The following CACNA2D3 variants were observed in gnomAD, a reference collection of about 807,000 sequenced individuals.
CACNA2D3 encodes calcium voltage-gated channel auxiliary subunit alpha2delta 3, also known as voltage-dependent calcium channel subunit alpha-2/delta-3.
CACNA2D3 carries 60 observed loss-of-function variants against 160.6 expected under a neutral mutation model. The observed-to-expected ratio is 0.37, with a 90% CI of 0.30 to 0.46. The LOEUF is 0.46. CACNA2D3 is among the 20% of genes least tolerant of loss of function. The pLI, the probability that CACNA2D3 is intolerant of heterozygous loss-of-function variation, is 1.00. For missense variants in CACNA2D3, 1,205 were observed against 1,365.0 expected, an observed-to-expected ratio of 0.88 and a Z score of 1.85; for synonymous variants, 558 against 492.9, an observed-to-expected ratio of 1.13 and a Z score of -1.75.
In CACNA2D3 at chr3:54,846,486, T is replaced by A; in HGVS notation, c.1626+19T>A. On this transcript the variant is annotated intron_variant, in intron 17 of 37. Transcript: ENST00000474759. ...GCTGCTGGTAAGAGAAATTATGTACTTCTGCATTTCTGCTTTTATGATTTT... is the reference window on the plus strand; with the variant it reads ...GCTGCTGGTAAGAGAAATTATGTACATCTGCATTTCTGCTTTTATGATTTT... 1 of 1,445,256 alleles carries A rather than the reference T, an allele frequency of 6.9e-7. No homozygotes were observed. Among genetic ancestry groups the A allele is most frequent in the Non-Finnish European group, 9.6e-7 (1 of 1,041,184 alleles). The allele number at this position is 1,445,256 out of a possible 1,614,324, so 89.5% of individuals were successfully genotyped here. A position where few individuals can be genotyped will look rare whatever the true frequency, so the allele number is the denominator to read the frequency against.
At chr3:54,595,607 G>A (rs1384472726) in intron 9 of CACNA2D3, among the ~76,000 whole-genome samples, 1 of 152,090 alleles carries the variant, frequency 6.6e-6, no homozygotes, top group Non-Finnish European at 1.5e-5. Context: ...GGTCCCAGCA[G>A]CACCCATGCG....
At chr3:54,685,481 A>T (rs1421754456) in intron 11 of CACNA2D3, among the ~76,000 whole-genome samples, 1 of 152,194 alleles carries the variant, frequency 6.6e-6, no homozygotes, top group Non-Finnish European at 1.5e-5. Flanking sequence ...CCTGGAGTGA[A>T]TCAGTCAGTC....
chr3:54,385,577 G>A (rs1023161280), intron 3 of CACNA2D3, among the ~76,000 whole-genome samples: 1 of 152,172 alleles, frequency 6.6e-6, no homozygotes, highest in African/African-American at 2.4e-5. Flanking sequence ...TGGCTGGCCT[G>A]TCTCTTTCTT....
At chr3:54,850,413 T>C (rs1699032584) in intron 17 of CACNA2D3, among the ~76,000 whole-genome samples, 1 of 152,246 alleles carries the variant, frequency 6.6e-6, no homozygotes, top group Non-Finnish European at 1.5e-5. Context: ...GTTTGTTTGA[T>C]CGTTACCACT....
chr3:54,366,146 G>A (rs1474528244), intron 3 of CACNA2D3, among the ~76,000 whole-genome samples: 1 of 152,204 alleles, frequency 6.6e-6, no homozygotes, highest in Non-Finnish European at 1.5e-5. Context: ...GAACCCCAGA[G>A]TAAGGAGGCA....
Position 55,074,351 on chromosome 3 carries a change from G to T in CACNA2D3, c.*145G>T. On this transcript the variant is annotated 3_prime_UTR_variant, in exon 38 of 38. Transcript: ENST00000474759. ...ATCTCATCATGATTTTAAACTGTGC[G>T]TGATATAAACTCTTAAAGATATGTT... 1.5e-6 allele frequency: 1 copy of T among 673,850 alleles called. No individual in the cohort carries two copies. Among genetic ancestry groups the T allele is most frequent in the Non-Finnish European group, 2.6e-6 (1 of 378,424 alleles). 41.7% of individuals were successfully genotyped at this position (673,850 alleles called of 1,614,324 possible).
chr3:54,821,643 T>TCTTC lies in CACNA2D3; in HGVS notation c.1398+4776_1398+4777insCCTT, dbSNP rs1703596218. On this transcript the variant is annotated intron_variant, in intron 14 of 37. Transcript: ENST00000474759. The stretch of plus-strand genomic sequence containing the variant: ...CCTTCGTTTTTCTAGAGTCTTTCGT[T>TCTTC]CTTTCTTTCTTTCTTTCTTTCTTTC... Among the ~76,000 whole-genome samples, 3 of 29,730 alleles carry TCTTC rather than the reference T, an allele frequency of 1.0e-4. No individual in the cohort carries two copies. The South Asian group carries it at 4.5e-3, about 45-fold the overall frequency. The allele number at this position is 29,730 out of a possible 152,430, so 19.5% of individuals were successfully genotyped here.
At chr3:54,722,678 G>A (rs1413452653) in intron 11 of CACNA2D3, among the ~76,000 whole-genome samples, 1 of 152,170 alleles carries the variant, frequency 6.6e-6, no homozygotes, top group Admixed American at 6.5e-5. Flanking sequence ...GGAGTTTGCT[G>A]GAGGTCCACT....
At chr3:54,404,354 T>A (rs1699531763) in intron 4 of CACNA2D3, among the ~76,000 whole-genome samples, 1 of 152,136 alleles carries the variant, frequency 6.6e-6, no homozygotes. Context: ...AATTAATCAA[T>A]GTGATACTTT....
At chr3:54,840,260 G>T (rs997413966) in intron 16 of CACNA2D3, among the ~76,000 whole-genome samples, 28 of 152,120 alleles carry the variant, frequency 1.8e-4, no homozygotes, top group African/African-American at 6.5e-4. Context: ...CCTCTACCAG[G>T]CAATGTGCAG....
intron 2 of CACNA2D3, among the ~76,000 whole-genome samples, chr3:54,193,175 TATGTGGTGAGTTG>T (rs369466952): frequency 0.024 from 3,589 of 152,230 alleles, 137 homozygotes; most frequent in African/African-American, 0.079. Flanking sequence ...ACTTCCCAGT[TATGTGGTGAGTTG>T]GAACCTGGTT....
Position 54,871,573 on chromosome 3 carries a change from A to G in CACNA2D3, c.1661A>G (p.Tyr554Cys). Reference protein sequence around the residue: ...EEGKKRRKPNYSSVDLSEVEW... With the variant: ...EEGKKRRKPNCSSVDLSEVEW... ...GGAAAAAAGCGAAGGAAACCTAACT[A>G]TAGTAGCGTTGACCTCTCTGAGGTG... is the stretch of plus-strand genomic sequence containing the variant. Residue 554 changes from tyrosine (Y) to cysteine (C), a missense_variant, in exon 18 of 38, where the codon TAT (tyrosine) becomes TGT (cysteine). Tyr to Cys is a radical substitution (Grantham distance 194). Coordinates refer to ENST00000474759, the MANE Select transcript of CACNA2D3 (RefSeq NM_018398.3). The G allele has an allele frequency of 1.2e-6, 2 of 1,613,638 alleles. No homozygotes were observed.
At chr3:54,530,714 A>G (rs1391178315) in intron 5 of CACNA2D3, among the ~76,000 whole-genome samples, 1 of 152,194 alleles carries the variant, frequency 6.6e-6, no homozygotes, top group Non-Finnish European at 1.5e-5. Flanking sequence ...ATAAATGAAG[A>G]AGGGAACTCA....
intron 2 of CACNA2D3, among the ~76,000 whole-genome samples, chr3:54,158,929 C>T (rs949622969): frequency 1.3e-5 from 2 of 152,198 alleles, no homozygotes; most frequent in African/African-American, 4.8e-5. Context: ...TGTCGTATGA[C>T]TTACTTTGGC....
At chr3:54,401,319 A>G (rs1395984328) in intron 4 of CACNA2D3, among the ~76,000 whole-genome samples, 1 of 152,236 alleles carries the variant, frequency 6.6e-6, no homozygotes, top group Non-Finnish European at 1.5e-5. Context: ...TAGGAAGAGG[A>G]AGCTTATGAA....
rs1253710091 is a variant in CACNA2D3 at position 54,809,764 on chromosome 3, TTTTC to T, written c.1381-7080_1381-7077del. ...TTCTCTCCCTCCCTCCCTGATCTTT[TTTTC>T]TTTCTTTCCCATTTCCCTCTTTCCC... On this transcript the variant is annotated intron_variant, in intron 13 of 37. Transcript: ENST00000474759. 2.0e-5 allele frequency among the ~76,000 whole-genome samples: 3 copies of T among 151,730 alleles called. No homozygotes were observed. The East Asian group carries it at 5.8e-4, about 30-fold the overall frequency.
intron 35 of CACNA2D3, among the ~76,000 whole-genome samples, chr3:55,034,262 A>G (rs796628061): frequency 4.6e-5 from 7 of 152,098 alleles, no homozygotes; most frequent in African/African-American, 1.4e-4. Context: ...GAAAGATGGA[A>G]TATCATTGTT....
chr3:54,387,271 C>T (rs1299471119), intron 4 of CACNA2D3, among the ~76,000 whole-genome samples: 3 of 152,204 alleles, frequency 2.0e-5, no homozygotes, highest in Non-Finnish European at 4.4e-5. Context: ...GTACCTGATC[C>T]TGACATGACT....
intron 2 of CACNA2D3, among the ~76,000 whole-genome samples, chr3:54,183,344 T>C (rs1700818471): frequency 6.6e-6 from 1 of 150,450 alleles, no homozygotes; most frequent in Non-Finnish European, 1.5e-5. Flanking sequence ...AGCTGTGGGG[T>C]TTGTGGTGGC....
Sources: allele counts gnomAD v4.1 joint callset (sites outside exome capture counted in the v4.1 genomes callset), GRCh38; gene constraint gnomAD v4.1.1; transcripts MANE v1.5; gene names NCBI Gene and HGNC (gene_info 2026-07-23, HGNC 2026-07-21).